DAB1: variants seen among roughly 807,000 people sequenced by gnomAD.
DAB1 encodes DAB adaptor protein 1.
In DAB1, 15 loss-of-function variants were observed where a neutral mutation model predicts 64.6. The observed-to-expected ratio is 0.23, with a 90% CI of 0.16 to 0.36. The LOEUF (loss-of-function observed/expected upper bound fraction) is 0.36, where lower values mean the gene tolerates loss of function less well. Among genes scored for constraint, DAB1 ranks in the 10% least tolerant of loss-of-function variants. DAB1 has a pLI of 1.00. For synonymous variants in DAB1, 235 were observed against 251.9 expected, an observed-to-expected ratio of 0.93 and a Z score of 0.64; for missense variants, 596 against 706.7, an observed-to-expected ratio of 0.84 and a Z score of 1.78.
chr1:57,379,353 A>T (rs1049006534), intron 1 of DAB1, among the ~76,000 whole-genome samples: 2 of 152,214 alleles, frequency 1.3e-5, no homozygotes, highest in Non-Finnish European at 2.9e-5. Flanking sequence ...TTCATTTGGA[A>T]CTGTGAAGCC....
chr1:58,156,712 G>A (rs1265946004), intron 4 of DAB1, among the ~76,000 whole-genome samples: 1 of 152,130 alleles, frequency 6.6e-6, no homozygotes, highest in Non-Finnish European at 1.5e-5. Context: ...GCACAGAAGG[G>A]AACAACATGT....
intron 7 of DAB1, among the ~76,000 whole-genome samples, chr1:57,442,512 T>C (rs945530598): frequency 9.2e-5 from 14 of 152,210 alleles, no homozygotes; most frequent in African/African-American, 2.9e-4. Flanking sequence ...TTGGTACTTA[T>C]TGTATTTGAG....
intron 7 of DAB1, among the ~76,000 whole-genome samples, chr1:57,436,392 C>T (rs147763743): frequency 1.1e-4 from 17 of 152,154 alleles, no homozygotes; most frequent in African/African-American, 2.2e-4. Flanking sequence ...TTAAGAGCTG[C>T]GCGTTTCAAT....
chr1:57,604,832 G>A (rs1645617442), intron 7 of DAB1, among the ~76,000 whole-genome samples: 1 of 152,154 alleles, frequency 6.6e-6, no homozygotes, highest in African/African-American at 2.4e-5. Flanking sequence ...TGTTCTTAGT[G>A]TTGGTGAGAC....
rs369563427 is a variant in DAB1 at position 57,291,066 on chromosome 1, G to C, written c.-36C>G. ...CCTTAGTCCACTTCACACAGATCCC[G>C]GGCCTCGGCCAGGCTCATTGAGGAC... is the stretch of plus-strand genomic sequence containing the variant. On this transcript the variant is annotated 5_prime_UTR_variant, in exon 2 of 15. Coordinates refer to ENST00000371236, the MANE Select transcript of DAB1 (RefSeq NM_001365792.1). 1 of 1,515,674 alleles carries C rather than the reference G, an allele frequency of 6.6e-7. No homozygotes were observed. The highest frequency in any genetic ancestry group is 1.9e-5 in the Admixed American group (1 of 53,914). The allele number at this position is 1,515,674 out of a possible 1,614,324, so 93.9% of individuals were successfully genotyped here.
At chr1:57,227,163 C>T (rs1178547752) in intron 2 of DAB1, among the ~76,000 whole-genome samples, 1 of 152,042 alleles carries the variant, frequency 6.6e-6, no homozygotes, top group Non-Finnish European at 1.5e-5. Flanking sequence ...TGACAGTGAT[C>T]AAATAATCAA....
At chr1:57,952,476 G>A (rs1645300292) in intron 5 of DAB1, among the ~76,000 whole-genome samples, 2 of 152,118 alleles carry the variant, frequency 1.3e-5, no homozygotes, top group South Asian at 2.1e-4. Context: ...CATATCCTGA[G>A]GATGTAGGTG....
intron 5 of DAB1, among the ~76,000 whole-genome samples, chr1:58,142,105 G>T (rs115579761): frequency 0.05 from 7,661 of 151,942 alleles, 231 homozygotes; most frequent in Admixed American, 0.078. Context: ...CTTCTCTGTG[G>T]GCTCCATCCC....
chr1:58,324,911 C>A (rs115717576), intron 4 of DAB1, among the ~76,000 whole-genome samples: 3,321 of 152,300 alleles, frequency 0.022, 138 homozygotes, highest in African/African-American at 0.076. Flanking sequence ...ATAGCCAATA[C>A]CCGGCACAGA....
At chr1:57,980,660 C>A (rs1458161914) in intron 5 of DAB1, among the ~76,000 whole-genome samples, 1 of 152,132 alleles carries the variant, frequency 6.6e-6, no homozygotes, top group Non-Finnish European at 1.5e-5. Context: ...GAGTCATCTG[C>A]TTCTTTGCTT....
In DAB1 at chr1:58,046,183, G is replaced by A. The variant is rs1196143665; in HGVS notation, n.387+104328C>T. The stretch of plus-strand genomic sequence containing the variant: ...GACAGAATAAGTTTTGGTTTCTTCT[G>A]TTAAGTAAGTTTTCCATTTTGATAC... On this transcript the variant is annotated intron_variant and non_coding_transcript_variant, in intron 5 of 20. Coordinates refer to the DAB1 transcript ENST00000485760. Among the ~76,000 whole-genome samples, 4 of 152,256 alleles carry A rather than the reference G, an allele frequency of 2.6e-5. No homozygotes were observed. In the East Asian group the frequency reaches 7.7e-4, roughly 29 times the overall value.
At chr1:58,261,000 ATAAT>A (rs1294108575) in intron 4 of DAB1, among the ~76,000 whole-genome samples, 1 of 152,226 alleles carries the variant, frequency 6.6e-6, no homozygotes, top group Non-Finnish European at 1.5e-5. Context: ...TACATAAATA[ATAAT>A]TTATGTGCAA....
chr1:58,449,792 C>A (rs1167024325), intron 3 of DAB1, among the ~76,000 whole-genome samples: 1 of 152,220 alleles, frequency 6.6e-6, no homozygotes, highest in East Asian at 1.9e-4. Context: ...GCAGTTGGGG[C>A]TTCCATATAT....
chr1:57,898,560 T>C (rs1163310271), intron 5 of DAB1, among the ~76,000 whole-genome samples: 2 of 152,290 alleles, frequency 1.3e-5, no homozygotes, highest in Admixed American at 6.5e-5. Context: ...CGGAAGACTT[T>C]GGACCAAGGG....
At chr1:58,401,113 A>G (rs1372300074) in intron 3 of DAB1, among the ~76,000 whole-genome samples, 1 of 152,304 alleles carries the variant, frequency 6.6e-6, no homozygotes, top group Non-Finnish European at 1.5e-5. Flanking sequence ...AGACTCTCAG[A>G]GTCCTTGAGA....
chr1:57,009,446 A>T (rs1646197287), intron 14 of DAB1, among the ~76,000 whole-genome samples: 1 of 152,216 alleles, frequency 6.6e-6, no homozygotes, highest in African/African-American at 2.4e-5. Flanking sequence ...TAGGTTCTTT[A>T]ATAAAAATAC....
chr1:57,027,493 C>T (rs893339233), intron 9 of DAB1, among the ~76,000 whole-genome samples: 3 of 152,180 alleles, frequency 2.0e-5, no homozygotes, highest in Non-Finnish European at 4.4e-5. Flanking sequence ...TTTCTTTACC[C>T]ACAAATGTCT....
At chr1:57,781,935 A>G (rs1334362603) in intron 6 of DAB1, among the ~76,000 whole-genome samples, 1 of 152,182 alleles carries the variant, frequency 6.6e-6, no homozygotes, top group Non-Finnish European at 1.5e-5. Context: ...AGTAGACAAT[A>G]GATCCAGAAG....
At chr1:58,499,059 T>A (rs1032459261) in intron 3 of DAB1, among the ~76,000 whole-genome samples, 4 of 152,044 alleles carry the variant, frequency 2.6e-5, no homozygotes, top group African/African-American at 9.7e-5. Flanking sequence ...AATATGAACA[T>A]GATAAAATCC....
Sources: gnomAD v4.1 joint callset for allele counts (sites outside exome capture counted in the v4.1 genomes callset) on GRCh38, gnomAD v4.1.1 for gene constraint, MANE v1.5 for transcripts, NCBI Gene and HGNC (gene_info 2026-07-23, HGNC 2026-07-21) for gene names.